The following ADAM28 variants were observed in gnomAD, a reference collection of about 807,000 sequenced individuals.
ADAM28 encodes ADAM metallopeptidase domain 28.
A neutral mutation model predicts 101.2 loss-of-function variants in ADAM28; 105 were observed. The ratio of observed to expected loss-of-function variants is 1.04; its 90% CI spans 0.89 to 1.22. ADAM28 has a LOEUF of 1.22. ADAM28 is among the 50% of genes most tolerant of loss of function. The pLI is 0.00. For missense variants in ADAM28, 1,028 were observed against 945.4 expected (o/e 1.09, Z -1.15); for synonymous variants, 322 against 310.6 (o/e 1.04, Z -0.39).
At chr8:24,304,475 T>C (rs1008523993) in intron 2 of ADAM28, among the ~76,000 whole-genome samples, 6 of 152,078 alleles carry the variant, frequency 3.9e-5, no homozygotes, top group African/African-American at 1.4e-4. Context: ...TTACGTTTCT[T>C]GTCTTAAAGT....
At chr8:24,306,357 T>TATATATATATATATATATATATTTAA (rs1157755290) in intron 2 of ADAM28, among the ~76,000 whole-genome samples, 2 of 118,700 alleles carry the variant, frequency 1.7e-5, no homozygotes, top group African/African-American at 6.8e-5. Flanking sequence ...TACAAATAAA[T>TATATATATATATATATATATATTTAA]AAATAAATAT....
chr8:24,322,857 T>C (rs974300527), intron 8 of ADAM28, among the ~76,000 whole-genome samples: 2 of 152,020 alleles, frequency 1.3e-5, no homozygotes, highest in African/African-American at 2.4e-5. Flanking sequence ...TGTCTGTCAC[T>C]GTGCACTTTT....
chr8:24,352,145 A>G, intron 21 of ADAM28, 93 bp downstream of exon 21: 1 of 1,074,714 alleles, frequency 9.3e-7, no homozygotes, highest in Non-Finnish European at 1.4e-6. Context: ...TTATTTCTTC[A>G]GGACAATATT....
chr8:24,321,296 C>A lies in ADAM28; in HGVS notation c.720+7C>A. The A allele has an allele frequency of 6.3e-7, 1 of 1,591,232 alleles. No individual in the cohort carries two copies. Among genetic ancestry groups the A allele is most frequent in the Non-Finnish European group, 8.6e-7 (1 of 1,160,108 alleles). On this transcript the variant is annotated splice_region_variant and intron_variant, in intron 8 of 22. Coordinates refer to ENST00000265769, the MANE Select transcript of ADAM28 (RefSeq NM_014265.6). ...GGCTAATTATGTCAACATGGTAAGA[C>A]ATATTTTATTACCTGCAGTTTTAAA...
At chr8:24,305,152 T>G (rs983622270) in intron 2 of ADAM28, among the ~76,000 whole-genome samples, 3 of 152,126 alleles carry the variant, frequency 2.0e-5, no homozygotes, top group African/African-American at 7.2e-5. Flanking sequence ...ATATTCTCTC[T>G]ACATTTAGAG....
intron 1 of ADAM28, 57 bp downstream of exon 1, chr8:24,294,252 T>G: frequency 6.4e-7 from 1 of 1,557,616 alleles, no homozygotes; most frequent in Non-Finnish European, 8.9e-7. Flanking sequence ...CTTTTCATAG[T>G]CTCCTAATAG....
chr8:24,310,755 A>G (rs897229191), intron 4 of ADAM28, among the ~76,000 whole-genome samples: 4 of 152,120 alleles, frequency 2.6e-5, no homozygotes, highest in African/African-American at 9.7e-5. Flanking sequence ...GAAGCCCTTC[A>G]AGCATTGTTC....
chr8:24,304,160 ATAAAT>A (rs1809229621), intron 2 of ADAM28, among the ~76,000 whole-genome samples: 1 of 151,076 alleles, frequency 6.6e-6, no homozygotes, highest in South Asian at 2.1e-4. Context: ...ACTGTAAAAA[ATAAAT>A]TTGAGTTTTG....
intron 11 of ADAM28, among the ~76,000 whole-genome samples, chr8:24,330,674 C>T (rs1813250449): frequency 6.6e-6 from 1 of 152,118 alleles, no homozygotes; most frequent in Non-Finnish European, 1.5e-5. Flanking sequence ...TAGGGTTATT[C>T]TCCAAAGCCC....
rs754017656 is a variant in ADAM28, at chr8:24,326,648, A to G, written c.972+13A>G. 1.4e-5 allele frequency: 22 copies of G among 1,604,580 alleles called. No individual in the cohort carries two copies. Among genetic ancestry groups the G allele is most frequent in the Non-Finnish European group, 1.8e-5 (21 of 1,174,084 alleles). The stretch of plus-strand genomic sequence containing the variant: ...TGGCGTTGTTCAGGTCTGTATGATG[A>G]TAAACTGTTGGTTCTATGATTTACA... On this transcript the variant is annotated intron_variant, in intron 10 of 22. Transcript: ENST00000265769.
rs753445663 is a variant in ADAM28 at position 24,294,207 on chromosome 8, G to C, written c.46+12G>C. 4 of 1,613,966 alleles carry C rather than the reference G, an allele frequency of 2.5e-6. No individual in the cohort carries two copies. Among genetic ancestry groups the C allele is most frequent in the Non-Finnish European group, 3.4e-6 (4 of 1,179,892 alleles). On this transcript the variant is annotated intron_variant, in intron 1 of 22. Coordinates refer to ENST00000265769, the MANE Select transcript of ADAM28 (RefSeq NM_014265.6). ...CCTCTCTGTTGCAGGTACATATTTA[G>C]CTCTTTTTCAGGTTCTATTGAATGC... is the stretch of plus-strand genomic sequence containing the variant.
Position 24,313,446 on chromosome 8 carries a change from C to G in ADAM28, c.442C>G (p.Arg148Gly). 6.2e-7 allele frequency: 1 copy of G among 1,613,686 alleles called. No homozygotes were observed. Residue 148 changes from arginine (R) to glycine (G), a missense_variant, in exon 6 of 23, where the codon CGG becomes GGG. Transcript: ENST00000265769. The stretch of plus-strand genomic sequence containing the variant: ...TATTGAACCTTTAAGCCCCATACAT[C>G]GGGATGGACAGGAGCATGCACTCTT... Reference protein sequence around the residue: ...YFIEPLSPIHRDGQEHALFKY... With the variant: ...YFIEPLSPIHGDGQEHALFKY...
At chr8:24,331,544 T>G (rs1037432571) in intron 12 of ADAM28, among the ~76,000 whole-genome samples, 5 of 152,108 alleles carry the variant, frequency 3.3e-5, no homozygotes, top group African/African-American at 1.2e-4. Flanking sequence ...CCAACCTCAT[T>G]CCTTTTTTTA....
intron 1 of ADAM28, among the ~76,000 whole-genome samples, chr8:24,298,769 A>G (rs938415270): frequency 1.3e-5 from 2 of 152,236 alleles, no homozygotes; most frequent in African/African-American, 4.8e-5. Context: ...TTAAGCCTGT[A>G]GCCACCTGTA....
chr8:24,320,107 A>C, intron 6 of ADAM28, 129 bp from the exon 7 acceptor site: 1 of 665,314 alleles, frequency 1.5e-6, no homozygotes, highest in Non-Finnish European at 2.6e-6. Flanking sequence ...AATTGGTGTT[A>C]AAATGCTAAT....
chr8:24,302,118 G>A (rs1028992889), intron 2 of ADAM28, among the ~76,000 whole-genome samples: 2 of 152,084 alleles, frequency 1.3e-5, no homozygotes, highest in Non-Finnish European at 2.9e-5. Flanking sequence ...ACTCCTCAGA[G>A]TGTGTTGTTC....
chr8:24,325,871 CAAAAAAAAAAAAAAA>C (rs5890146), intron 9 of ADAM28, among the ~76,000 whole-genome samples: 1 of 20,420 alleles, frequency 4.9e-5, no homozygotes, highest in African/African-American at 2.2e-4. Context: ...GTACAGATAG[CAAAAAAAAAAAAAAA>C]AAAAAAAAAA....
At chr8:24,316,905 A>G (rs2129279083) in intron 6 of ADAM28, among the ~76,000 whole-genome samples, 1 of 152,196 alleles carries the variant, frequency 6.6e-6, no homozygotes, top group South Asian at 2.1e-4. Context: ...AATCTGTGAC[A>G]TTTCTATACA....
In ADAM28 at chr8:24,320,041, G is replaced by A. The variant is rs142416626; in HGVS notation, c.577-195G>A. ...GAAGGAATCAGACCAGAATATTGCTGGTGTCCCTTCACCTCCAAATTTATG... is the reference window on the plus strand; with the variant it reads ...GAAGGAATCAGACCAGAATATTGCTAGTGTCCCTTCACCTCCAAATTTATG... On this transcript the variant is annotated intron_variant, in intron 6 of 22. Coordinates refer to ENST00000265769, the MANE Select transcript of ADAM28 (RefSeq NM_014265.6). Among the ~76,000 whole-genome samples, 592 of 151,994 alleles carry A rather than the reference G, an allele frequency of 3.9e-3. 4 individuals are homozygous for A. Among genetic ancestry groups the A allele is most frequent in the African/African-American group, 0.014 (564 of 41,496 alleles).
Sources: allele counts gnomAD v4.1 joint callset (sites outside exome capture counted in the v4.1 genomes callset), GRCh38; gene constraint gnomAD v4.1.1; transcripts MANE v1.5; gene names NCBI Gene and HGNC (gene_info 2026-07-23, HGNC 2026-07-21).